The following CABLES1 variants were observed in gnomAD, a reference collection of about 807,000 sequenced individuals.
CABLES1 encodes Cdk5 and Abl enzyme substrate 1.
Under a neutral mutation model 57.8 loss-of-function variants are expected in CABLES1, and 36 were observed. That is an observed-to-expected ratio of 0.62 (90% CI 0.48 to 0.82). The LOEUF (loss-of-function observed/expected upper bound fraction) is 0.82. CABLES1 is among the 40% of genes least tolerant of loss of function. The probability of loss-of-function intolerance (pLI) is 0.00; values close to 1 mark genes in which losing one functional copy is unlikely to be tolerated. For synonymous variants in CABLES1, 374 were observed against 363.0 expected, an observed-to-expected ratio of 1.03 and a Z score of -0.35; for missense variants, 767 against 836.6, an observed-to-expected ratio of 0.92 and a Z score of 1.03.
At chr18:23,174,805 T>C (rs1025838502) in intron 1 of CABLES1, among the ~76,000 whole-genome samples, 13 of 138,606 alleles carry the variant, frequency 9.4e-5, no homozygotes, top group African/African-American at 3.5e-4. Flanking sequence ...AATTTGTATG[T>C]ATATACATGT....
intron 1 of CABLES1, among the ~76,000 whole-genome samples, chr18:23,160,581 C>A (rs1028891156): frequency 1.3e-5 from 2 of 152,174 alleles, no homozygotes; most frequent in African/African-American, 4.8e-5. Flanking sequence ...AAAGCCTGGC[C>A]TGGTGGGAGG....
chr18:23,188,073 T>C (rs982158521), intron 1 of CABLES1, among the ~76,000 whole-genome samples: 1 of 152,204 alleles, frequency 6.6e-6, no homozygotes, highest in African/African-American at 2.4e-5. Context: ...ATGATGGTCT[T>C]TGTTCAAGTA....
chr18:23,166,466 G>T (rs1278151016), intron 1 of CABLES1, among the ~76,000 whole-genome samples: 1 of 152,178 alleles, frequency 6.6e-6, no homozygotes, highest in Non-Finnish European at 1.5e-5. Flanking sequence ...GCCTCCCAAA[G>T]TGTTGGGATT....
chr18:23,168,195 A>G (rs1380672961), intron 1 of CABLES1, among the ~76,000 whole-genome samples: 1 of 152,354 alleles, frequency 6.6e-6, no homozygotes, highest in South Asian at 2.1e-4. Context: ...CAATAGCCAA[A>G]AGGTGGGAGC....
chr18:23,215,779 A>C (rs2145055551), intron 4 of CABLES1, among the ~76,000 whole-genome samples: 1 of 150,588 alleles, frequency 6.6e-6, no homozygotes. Flanking sequence ...TTTGAGACAG[A>C]GTCTTGCTCT....
chr18:23,137,407 CTG>C (rs1471860038), intron 1 of CABLES1, among the ~76,000 whole-genome samples: 1 of 152,156 alleles, frequency 6.6e-6, no homozygotes, highest in Non-Finnish European at 1.5e-5. Context: ...GAGGTTGGGA[CTG>C]TGTGAACTGA....
rs148216841 is a variant in CABLES1 at position 23,220,111 on chromosome 18, G to A, written c.1088+6057G>A. Among the ~76,000 whole-genome samples, 53 of 152,250 alleles carry A rather than the reference G, an allele frequency of 3.5e-4. No homozygotes were observed. The East Asian group carries it at 8.1e-3, about 23-fold the overall frequency. ...CCTCACAGTGATCTCTAGAGCTGCTGCTTGAAGCAGACTGCCCGAGTATCT... is the reference window on the plus strand; with the variant it reads ...CCTCACAGTGATCTCTAGAGCTGCTACTTGAAGCAGACTGCCCGAGTATCT... On this transcript the variant is annotated intron_variant, in intron 4 of 9. Transcript: ENST00000256925.
chr18:23,165,361 G>A (rs1158939062), intron 1 of CABLES1, among the ~76,000 whole-genome samples: 1 of 152,164 alleles, frequency 6.6e-6, no homozygotes, highest in Non-Finnish European at 1.5e-5. Flanking sequence ...GCCTCTGAAA[G>A]CACTGAGATT....
intron 4 of CABLES1, among the ~76,000 whole-genome samples, chr18:23,217,132 A>T (rs1398141338): frequency 6.6e-6 from 1 of 152,042 alleles, no homozygotes; most frequent in Admixed American, 6.6e-5. Flanking sequence ...CCCAGGCTGG[A>T]ATGCAGTGGC....
At chr18:23,186,569 G>A (rs2047204444) in intron 1 of CABLES1, among the ~76,000 whole-genome samples, 1 of 152,010 alleles carries the variant, frequency 6.6e-6, no homozygotes, top group South Asian at 2.1e-4. Flanking sequence ...GGGATTACAA[G>A]CATGCACCAC....
intron 4 of CABLES1, among the ~76,000 whole-genome samples, chr18:23,231,895 A>G (rs2047569565): frequency 1.3e-5 from 2 of 152,174 alleles, no homozygotes; most frequent in Non-Finnish European, 2.9e-5. Flanking sequence ...CGGCAGGCAG[A>G]CAGCTGGCCA....
At chr18:23,235,732 T>C (rs1341600629) in intron 5 of CABLES1, among the ~76,000 whole-genome samples, 163 bp from the exon 6 acceptor site, 1 of 152,244 alleles carries the variant, frequency 6.6e-6, no homozygotes, top group African/African-American at 2.4e-5. Flanking sequence ...TTGGCACCAA[T>C]GAGTACCAAA....
At chr18:23,147,979 CTTTTTTTTTTTTT>C (rs10603023) in intron 1 of CABLES1, among the ~76,000 whole-genome samples, 8 of 78,356 alleles carry the variant, frequency 1.0e-4, no homozygotes, top group East Asian at 4.2e-4. Context: ...GCTTGGCCTC[CTTTTTTTTTTTTT>C]TTTTTTTTTT....
intron 3 of CABLES1, among the ~76,000 whole-genome samples, chr18:23,203,345 ATCTCC>A (rs2047339653): frequency 6.6e-6 from 1 of 152,060 alleles, no homozygotes; most frequent in Non-Finnish European, 1.5e-5. Flanking sequence ...CGACTGAGCT[ATCTCC>A]TCCCTTGGGA....
intron 9 of CABLES1, among the ~76,000 whole-genome samples, chr18:23,256,421 CA>C (rs2048167217): frequency 6.6e-6 from 1 of 152,226 alleles, no homozygotes; most frequent in Non-Finnish European, 1.5e-5. Context: ...TACATAGAAT[CA>C]GTGCACTCCC....
At chr18:23,221,686 G>A (rs1206449747) in intron 4 of CABLES1, among the ~76,000 whole-genome samples, 1 of 152,198 alleles carries the variant, frequency 6.6e-6, no homozygotes, top group Non-Finnish European at 1.5e-5. Flanking sequence ...ATCTCCCCAG[G>A]TGTTACTTCC....
chr18:23,229,776 G>A (rs1302134709), intron 4 of CABLES1, among the ~76,000 whole-genome samples: 6 of 152,168 alleles, frequency 3.9e-5, no homozygotes, highest in Non-Finnish European at 5.9e-5. Flanking sequence ...CAACTCCAAC[G>A]TTCTAGGCTT....
In CABLES1 at chr18:23,236,060, G is replaced by A. The variant is rs766836260; in HGVS notation, c.1342+9G>A. ...GGGGAGCCTCGACACAGGTAACCTTGGCCTGGCTGGGTCTGGTAGCTCGTG... is the reference window on the plus strand; with the variant it reads ...GGGGAGCCTCGACACAGGTAACCTTAGCCTGGCTGGGTCTGGTAGCTCGTG... On this transcript the variant is annotated intron_variant, in intron 6 of 9. Coordinates refer to ENST00000256925, the MANE Select transcript of CABLES1 (RefSeq NM_001100619.3). 7 of 1,613,532 alleles carry A rather than the reference G, an allele frequency of 4.3e-6. No individual in the cohort carries two copies. Among genetic ancestry groups the A allele is most frequent in the Non-Finnish European group, 5.9e-6 (7 of 1,179,910 alleles).
At chr18:23,156,189 C>A (rs889424621) in intron 1 of CABLES1, among the ~76,000 whole-genome samples, 1 of 152,204 alleles carries the variant, frequency 6.6e-6, no homozygotes, top group African/African-American at 2.4e-5. Flanking sequence ...CCAAGACCAG[C>A]CTTGGTATTT....
Sources: gnomAD v4.1 joint callset for allele counts (sites outside exome capture counted in the v4.1 genomes callset) on GRCh38, gnomAD v4.1.1 for gene constraint, MANE v1.5 for transcripts, NCBI Gene and HGNC (gene_info 2026-07-23, HGNC 2026-07-21) for gene names.